The following BLTP1 variants were observed in gnomAD, a reference collection of about 807,000 sequenced individuals.
The protein encoded by BLTP1 is fragile site-associated protein.
chr4:122,170,518 A>T, the BLTP1 span: 1 of 1,345,086 alleles, frequency 7.4e-7, no homozygotes, highest in Non-Finnish European at 9.7e-7. Context: ...TGATTTAATC[A>T]ACTTCGTTTA....
chr4:122,189,726 A>C, the BLTP1 span: 39 of 903,662 alleles, frequency 4.3e-5, no homozygotes, highest in African/African-American at 6.8e-4. Flanking sequence ...TTTCTTTTTA[A>C]AACCAAATTT....
At chr4:122,324,626 TTAAGA>T in the BLTP1 span, 1 of 1,008,114 alleles carries the variant, frequency 9.9e-7, no homozygotes, top group Non-Finnish European at 1.4e-6. Context: ...AATTATAAAA[TTAAGA>T]TAACAAAAAT....
the BLTP1 span, chr4:122,328,223 T>G: frequency 6.2e-7 from 1 of 1,611,466 alleles, no homozygotes; most frequent in Non-Finnish European, 8.5e-7. Flanking sequence ...CAGGAGGCTT[T>G]TCACCAGGCA....
At chr4:122,292,482 T>G in the BLTP1 span, 1 of 850,584 alleles carries the variant, frequency 1.2e-6, no homozygotes, top group East Asian at 1.2e-4. Context: ...TTAAAACATG[T>G]ATTTGTTTAG....
the BLTP1 span, chr4:122,291,602 C>A: frequency 2.9e-6 from 1 of 344,256 alleles, no homozygotes; most frequent in Non-Finnish European, 4.1e-6. Flanking sequence ...TATTTGTCCA[C>A]GAAGGACTTT....
the BLTP1 span, among the ~76,000 whole-genome samples, chr4:122,327,524 C>T: frequency 6.7e-6 from 1 of 149,806 alleles, no homozygotes; most frequent in South Asian, 2.1e-4. Context: ...CCTTAAAATA[C>T]AGCATTCTTC....
At chr4:122,155,868 A>G in the BLTP1 span, 1 of 263,844 alleles carries the variant, frequency 3.8e-6, no homozygotes, top group East Asian at 1.8e-4. Context: ...GCATATTGGA[A>G]TTAAGAAATG....
chr4:122,238,415 C>A, the BLTP1 span: 1 of 1,390,662 alleles, frequency 7.2e-7, no homozygotes, highest in South Asian at 1.3e-5. Context: ...AAAATTCTGG[C>A]AAGAAAAACT....
the BLTP1 span, chr4:122,272,309 A>T: frequency 6.2e-7 from 1 of 1,613,338 alleles, no homozygotes; most frequent in South Asian, 1.1e-5. Flanking sequence ...TGGCATGGTG[A>T]ACCGCACACA....
chr4:122,211,610 A>G, the BLTP1 span, among the ~76,000 whole-genome samples: 1 of 152,202 alleles, frequency 6.6e-6, no homozygotes, highest in Non-Finnish European at 1.5e-5. Flanking sequence ...TTCAGAGTAT[A>G]TCAAACTTAG....
chr4:122,232,181 G>T, the BLTP1 span: 63 of 891,742 alleles, frequency 7.1e-5, no homozygotes, highest in Non-Finnish European at 1.2e-5. Flanking sequence ...TCTTTCTTAC[G>T]AGTTAACAAG....
At chr4:122,346,493 G>T in the BLTP1 span, 1 of 1,389,132 alleles carries the variant, frequency 7.2e-7, no homozygotes, top group Non-Finnish European at 9.4e-7. Context: ...ATTTGTGGAA[G>T]AATGTAACAC....
At chr4:122,269,504 C>G in the BLTP1 span, 1 of 985,106 alleles carries the variant, frequency 1.0e-6, no homozygotes, top group Non-Finnish European at 1.2e-6. Context: ...ATTCTTACAA[C>G]TAACTCATGA....
At chr4:122,163,424 C>T in the BLTP1 span, among the ~76,000 whole-genome samples, 15 of 152,174 alleles carry the variant, frequency 9.9e-5, no homozygotes, top group Non-Finnish European at 1.8e-4. Context: ...TGGCGTTTCT[C>T]GCTTGTCCCT....
At chr4:122,193,964 G>A in the BLTP1 span, among the ~76,000 whole-genome samples, 206 of 151,720 alleles carry the variant, frequency 1.4e-3, 3 homozygotes, top group African/African-American at 4.6e-3. Context: ...CCGGGTTCAC[G>A]CCATTCTCCT....
chr4:122,267,600 CGT>C, the BLTP1 span: 1 of 971,400 alleles, frequency 1.0e-6, no homozygotes, highest in East Asian at 1.1e-4. Context: ...TCTGGGTTGA[CGT>C]GTCAGGTAGT....
At chr4:122,219,080 T>C in the BLTP1 span, 25 of 913,666 alleles carry the variant, frequency 2.7e-5, 1 homozygote, top group South Asian at 1.2e-3. Flanking sequence ...GGTTTTGCTG[T>C]AATTGGGGCA....
chr4:122,180,238 C>A, the BLTP1 span: 12 of 919,830 alleles, frequency 1.3e-5, no homozygotes, highest in Non-Finnish European at 1.6e-5. Flanking sequence ...CTCTGAGCCT[C>A]ATTTTTTTCA....
the BLTP1 span, chr4:122,318,365 A>G: frequency 1.1e-6 from 1 of 897,046 alleles, no homozygotes; most frequent in Non-Finnish European, 1.8e-6. Context: ...AAAGCACGTT[A>G]CATGTAATCA....
Sources: allele counts gnomAD v4.1 joint callset (sites outside exome capture counted in the v4.1 genomes callset), GRCh38; gene constraint gnomAD v4.1.1; transcripts MANE v1.5; gene names NCBI Gene and HGNC (gene_info 2026-07-23, HGNC 2026-07-21).